Variants in UROC1 observed in about 807,000 individuals in gnomAD.
UROC1 encodes urocanate hydratase.
A neutral mutation model predicts 89.5 loss-of-function variants in UROC1; 79 were observed. The observed-to-expected ratio is 0.88, with a 90% CI of 0.74 to 1.06. The LOEUF is 1.06. UROC1 is among the 50% of genes least tolerant of loss of function. The pLI, the probability that UROC1 is intolerant of heterozygous loss-of-function variation, is 0.00. For missense variants in UROC1, 885 were observed against 907.8 expected (o/e 0.97, Z 0.32); for synonymous variants, 361 against 354.8 (o/e 1.02, Z -0.20).
chr3:126,504,789 C>T (rs1235967317), intron 8 of UROC1, among the ~76,000 whole-genome samples: 3 of 152,194 alleles, frequency 2.0e-5, no homozygotes, highest in African/African-American at 7.2e-5. Context: ...TTGCCTCCTC[C>T]ACTTCCGACT....
intron 19 of UROC1, 29 bp from the exon 20 acceptor site, chr3:126,482,514 T>A: frequency 6.2e-7 from 1 of 1,613,616 alleles, no homozygotes; most frequent in African/African-American, 1.3e-5. Context: ...TAGCAGTCCA[T>A]GTCAACATAA....
rs2107555529 is a variant in UROC1, at chr3:126,517,604, A to G, written c.116T>C (p.Val39Ala). 1.2e-6 allele frequency: 2 copies of G among 1,612,260 alleles called. No homozygotes were observed. The highest frequency in any genetic ancestry group is 2.7e-5 in the African/African-American group (2 of 75,008). The change falls in exon 1 of 20, where the codon GTG becomes GCG. Residue 39 changes from valine to alanine, a missense_variant. Physicochemically the swap from Val to Ala is moderately conservative, Grantham distance 64. Coordinates refer to ENST00000290868, the MANE Select transcript of UROC1 (RefSeq NM_144639.3). ...GGGCCCACTGCTTACCTGTTTCTCC[A>G]CAGGGCTGAGGCTGGGGGTCCTGAC... is the stretch of plus-strand genomic sequence containing the variant. ...APVRTPSLSPVEKQLALRNAL... is the reference protein window; with the variant it reads ...APVRTPSLSPAEKQLALRNAL...
At chr3:126,494,962 C>T (rs754186535) in intron 15 of UROC1, among the ~76,000 whole-genome samples, 2 of 152,138 alleles carry the variant, frequency 1.3e-5, no homozygotes, top group Non-Finnish European at 2.9e-5. Context: ...CTGCCACCAC[C>T]GTCTCCGCTT....
chr3:126,504,300 C>T (rs78603349), intron 8 of UROC1, among the ~76,000 whole-genome samples: 11 of 152,300 alleles, frequency 7.2e-5, no homozygotes, highest in Middle Eastern at 3.4e-3. Flanking sequence ...CAGGGTGACA[C>T]GGTTCAGCCC....
At chr3:126,495,995 G>C in intron 15 of UROC1, 43 bp downstream of exon 15, 1 of 1,596,192 alleles carries the variant, frequency 6.3e-7, no homozygotes, top group Non-Finnish European at 8.6e-7. Context: ...GCAGTCTTCT[G>C]ACAGCACAGC....
At chr3:126,501,120 C>A (rs955241844) in intron 10 of UROC1, 98 bp downstream of exon 10, 5 of 1,384,990 alleles carry the variant, frequency 3.6e-6, no homozygotes, top group Non-Finnish European at 5.1e-6. Flanking sequence ...GGGCTCAAAG[C>A]TTTGTGTCCT....
Position 126,503,715 on chromosome 3 carries a change from C to T in UROC1, c.902+280G>A, listed in dbSNP as rs1439436579. On this transcript the variant is annotated intron_variant, in intron 9 of 19. Transcript: ENST00000290868. Reference sequence around the variant, plus strand: ...AAGCCCATCAAGGCCAAGTGTCTGACACCAAGCCCACAGCCCAGTGGCTGC... The same window carrying T: ...AAGCCCATCAAGGCCAAGTGTCTGATACCAAGCCCACAGCCCAGTGGCTGC... 5.3e-5 allele frequency among the ~76,000 whole-genome samples: 8 copies of T among 152,278 alleles called. No homozygotes were observed. The South Asian group carries it at 1.7e-3, about 31-fold the overall frequency.
rs1282770874 is a variant in UROC1, at chr3:126,503,936, T to C, written c.902+59A>G. The C allele has an allele frequency of 6.9e-6, 11 of 1,600,676 alleles. No individual in the cohort carries two copies. In the African/African-American group the frequency reaches 1.5e-4, roughly 21 times the overall value. On this transcript the variant is annotated intron_variant, in intron 9 of 19. Coordinates refer to ENST00000290868, the MANE Select transcript of UROC1 (RefSeq NM_144639.3). ...AAGCTGCCCCATGGGGGTCCTCTTG[T>C]GGTCTCCTGCTGCCACGTGTCAGGT...
chr3:126,498,016 C>G (rs1453363653), intron 14 of UROC1, 35 bp downstream of exon 14: 1 of 1,613,474 alleles, frequency 6.2e-7, no homozygotes, highest in African/African-American at 1.3e-5. Flanking sequence ...TTGGGGGGGC[C>G]ACCCACCCAT....
chr3:126,497,985 G>A, intron 14 of UROC1, 66 bp downstream of exon 14: 1 of 1,611,984 alleles, frequency 6.2e-7, no homozygotes, highest in Non-Finnish European at 8.5e-7. Flanking sequence ...ATAGAAGCTT[G>A]TCTCTATGGA....
At position 126,509,681 on chromosome 3, in the gene UROC1, G is replaced by A; in HGVS notation, c.258-3C>T. 3 of 1,551,518 alleles carry A rather than the reference G, an allele frequency of 1.9e-6. No homozygotes were observed. The highest frequency in any genetic ancestry group is 2.6e-6 in the Non-Finnish European group (3 of 1,146,946). On this transcript the variant is annotated splice_polypyrimidine_tract_variant and splice_region_variant and intron_variant, in intron 2 of 19. Transcript: ENST00000290868. ...GGTACTGCTCAATCGGGTAGGCCCT[G>A]CAAGGGAAAGCCCAACCACCAGGCT...
At chr3:126,488,080 G>T in intron 18 of UROC1, 118 bp downstream of exon 18, 1 of 1,080,512 alleles carries the variant, frequency 9.3e-7, no homozygotes, top group Non-Finnish European at 1.4e-6. Context: ...GGTGAGGGCA[G>T]GGGAGGTGAC....
At chr3:126,492,394 C>G (rs1278455575) in intron 16 of UROC1, 24 bp downstream of exon 16, 1 of 1,606,006 alleles carries the variant, frequency 6.2e-7, no homozygotes, top group Non-Finnish European at 8.5e-7. Context: ...AGGGATGCTT[C>G]CCCCAGAGCA....
chr3:126,506,111 AC>A, intron 6 of UROC1, 100 bp from the exon 7 acceptor site: 1 of 1,259,896 alleles, frequency 7.9e-7, no homozygotes, highest in Non-Finnish European at 1.2e-6. Context: ...GTATTTAACT[AC>A]CCAATAGGCA....
chr3:126,510,981 T>C (rs1364758762), intron 1 of UROC1, among the ~76,000 whole-genome samples, 187 bp from the exon 2 acceptor site: 1 of 152,128 alleles, frequency 6.6e-6, no homozygotes, highest in Non-Finnish European at 1.5e-5. Context: ...AAGCCTTCCC[T>C]GATCGCCCCC....
chr3:126,498,158 T>C lies in UROC1; in HGVS notation c.1331A>G (p.Gln444Arg), dbSNP rs1445155004. Residue 444 changes from glutamine to arginine, a missense_variant, in exon 14 of 20, where the codon CAG becomes CGG. Coordinates refer to ENST00000290868, the MANE Select transcript of UROC1 (RefSeq NM_144639.3). ...CACCCAGCGGAAAGGCCCAAATCCC[T>C]GGGAGAATATGTCCCTGCAAGCACA... ...VQHIMGDIFS[Q>R]GFGPFRWVCT... The C allele has an allele frequency of 4.3e-6, 7 of 1,614,086 alleles. No homozygotes were observed. In the African/African-American group the frequency reaches 6.7e-5, roughly 15 times the overall value.
intron 16 of UROC1, among the ~76,000 whole-genome samples, chr3:126,490,395 A>G (rs114550316): frequency 6.6e-6 from 1 of 152,306 alleles, no homozygotes; most frequent in African/African-American, 2.4e-5. Context: ...CTGCTATGAA[A>G]AGGAGTCCTG....
At position 126,483,534 on chromosome 3, in the gene UROC1, C is replaced by G. The variant is rs1935442092; in HGVS notation, c.1791-66G>C. The G allele has an allele frequency of 2.0e-6, 3 of 1,491,746 alleles. No individual in the cohort carries two copies. The East Asian group carries it at 6.9e-5, about 34-fold the overall frequency. 92.4% of individuals were successfully genotyped at this position (1,491,746 alleles called of 1,614,324 possible). A position where few individuals can be genotyped will look rare whatever the true frequency, so the allele number is the denominator to read the frequency against. The stretch of plus-strand genomic sequence containing the variant: ...CAACACTGCACAGAGCAGGCAGAAG[C>G]CCATGTTTTGGAAGCATTGGCTTGA... On this transcript the variant is annotated intron_variant, in intron 18 of 19. Coordinates refer to ENST00000290868, the MANE Select transcript of UROC1 (RefSeq NM_144639.3).
rs1453146864 is a variant in UROC1, at chr3:126,500,849, T to G, written c.991A>C (p.Thr331Pro). ...LWERLVHELD[T>P]TGECLVDLGS... ...AGGTCCACCAAGCACTCCCCCGTCG[T>G]GTCCAATTCGTGGACCAGGCGCTCC... Residue 331 changes from threonine (T) to proline (P), a missense_variant, in exon 11 of 20, where the codon ACG becomes CCG. By Grantham distance (38) the Thr-to-Pro change is conservative (BLOSUM62 -1). Coordinates refer to ENST00000290868, the MANE Select transcript of UROC1 (RefSeq NM_144639.3). The G allele has an allele frequency of 1.9e-6, 3 of 1,613,912 alleles. No homozygotes were observed. In the African/African-American group the frequency reaches 4.0e-5, roughly 22 times the overall value.
Sources: allele counts gnomAD v4.1 joint callset (sites outside exome capture counted in the v4.1 genomes callset), GRCh38; gene constraint gnomAD v4.1.1; transcripts MANE v1.5; gene names NCBI Gene and HGNC (gene_info 2026-07-23, HGNC 2026-07-21).